The following FAM162A variants were observed in gnomAD, a reference collection of about 807,000 sequenced individuals.
The protein encoded by FAM162A is family with sequence similarity 162 member A, also known as protein FAM162A.
A neutral mutation model predicts 21.8 loss-of-function variants in FAM162A; 23 were observed. The observed-to-expected ratio is 1.05, with a 90% confidence interval of 0.76 to 1.49. The LOEUF is 1.49. FAM162A is among the 40% of genes most tolerant of loss of function. The probability of loss-of-function intolerance (pLI) is 0.00; values close to 1 mark genes in which losing one functional copy is unlikely to be tolerated. For synonymous variants in FAM162A, 53 were observed against 61.3 expected (o/e 0.86, Z 0.64); for missense variants, 165 against 186.4 (o/e 0.89, Z 0.67).
chr3:122,409,010 C>G (rs912854255), intron 4 of FAM162A, among the ~76,000 whole-genome samples: 1 of 151,898 alleles, frequency 6.6e-6, no homozygotes, highest in Non-Finnish European at 1.5e-5. Flanking sequence ...CCCTTTCTCC[C>G]CCCGCTCCCC....
chr3:122,405,982 A>G (rs1199615994), intron 3 of FAM162A, among the ~76,000 whole-genome samples: 3 of 152,118 alleles, frequency 2.0e-5, no homozygotes, highest in Non-Finnish European at 4.4e-5. Context: ...ATGCTGCCTC[A>G]CAGGTCCCAG....
In FAM162A at chr3:122,384,241, C is replaced by G; in HGVS notation, c.-25C>G. The G allele has an allele frequency of 1.3e-6, 2 of 1,565,102 alleles. No homozygotes were observed. The highest frequency in any genetic ancestry group is 1.4e-5 in the African/African-American group (1 of 73,954). ...CCACCGTCCCCGGCGAAGTTCTGCG[C>G]TGGTCGGCGGAGTAGCAAGTGGCCA... On this transcript the variant is annotated 5_prime_UTR_variant, in exon 1 of 5. Coordinates refer to ENST00000477892, the MANE Select transcript of FAM162A (RefSeq NM_014367.4).
Position 122,409,822 on chromosome 3 carries a change from A to G in FAM162A, c.456A>G (p.Lys152=). 6.2e-7 allele frequency: 1 copy of G among 1,613,906 alleles called. No individual in the cohort carries two copies. The highest frequency in any genetic ancestry group is 8.5e-7 in the Non-Finnish European group (1 of 1,179,778). The change falls in exon 5 of 5, where the codon AAA becomes AAG. Residue 152 remains lysine, a synonymous_variant. Transcript: ENST00000477892. ...RLKEEAAMKA[K]TE is the part of the protein sequence containing the mutation. The stretch of plus-strand genomic sequence containing the variant: ...AAGAGGAAGCAGCTATGAAGGCCAA[A>G]ACAGAGTAGCAGAGGTATCCGTGTT...
chr3:122,402,991 T>C (rs898307675), intron 2 of FAM162A, 109 bp downstream of exon 2: 9 of 1,217,970 alleles, frequency 7.4e-6, no homozygotes, highest in African/African-American at 3.1e-5. Flanking sequence ...TACCCTCCCA[T>C]GTAGAGAGAA....
rs199578714 is a variant in FAM162A at position 122,402,882 on chromosome 3, C to T, written c.157C>T (p.Arg53Cys). The change falls in exon 2 of 5, where the codon CGC becomes TGC. Residue 53 changes from arginine to cysteine, a missense_variant and splice_region_variant. By Grantham distance (180) the Arg-to-Cys change is radical (BLOSUM62 -3). Coordinates refer to ENST00000477892, the MANE Select transcript of FAM162A (RefSeq NM_014367.4). ...ACAGGAAAGTCCCGGAGCTCCATCC[C>T]GTAAGTTTTTATTTTTTCTATTTAT... ...KPQESPGAPS[R>C]TYNRVPLHKP... 395 of 1,584,292 alleles carry T rather than the reference C, an allele frequency of 2.5e-4. No individual in the cohort carries two copies. The highest frequency in any genetic ancestry group is 9.3e-4 in the Admixed American group (48 of 51,624).
intron 1 of FAM162A, among the ~76,000 whole-genome samples, chr3:122,391,647 G>T (rs1256624337): frequency 6.6e-6 from 1 of 152,190 alleles, no homozygotes; most frequent in Non-Finnish European, 1.5e-5. Context: ...AACTACCTCA[G>T]TACCTCTCTC....
At chr3:122,408,117 G>C (rs1576254163) in intron 4 of FAM162A, among the ~76,000 whole-genome samples, 1 of 152,256 alleles carries the variant, frequency 6.6e-6, no homozygotes, top group East Asian at 1.9e-4. Context: ...TCAGGTAATA[G>C]GAAAATTCCT....
At position 122,411,326 on chromosome 3, in the gene FAM162A, C is replaced by G. The variant is rs1020108188; in HGVS notation, c.*1495C>G. On this transcript the variant is annotated 3_prime_UTR_variant, in exon 5 of 5. Transcript: ENST00000477892. ...TTGGCCTTAGCTTCTTTGTAGGTAT[C>G]AAGTTATCACTTGCAAATTTATTTT... 4 of 152,202 alleles carry G rather than the reference C, an allele frequency of 2.6e-5. No individual in the cohort carries two copies. The highest frequency in any genetic ancestry group is 2.6e-4 in the Admixed American group (4 of 15,280). 9.4% of individuals were successfully genotyped at this position (152,202 alleles called of 1,614,324 possible). A position where few individuals can be genotyped will look rare whatever the true frequency, so the allele number is the denominator to read the frequency against.
At chr3:122,404,215 T>A in intron 2 of FAM162A, 43 bp from the exon 3 acceptor site, 2 of 936,756 alleles carry the variant, frequency 2.1e-6, no homozygotes, top group South Asian at 3.6e-5. Flanking sequence ...TTGAGAGTTA[T>A]AATCTCAAAC....
intron 3 of FAM162A, among the ~76,000 whole-genome samples, chr3:122,406,365 G>A (rs1305227275): frequency 2.0e-5 from 3 of 152,228 alleles, no homozygotes; most frequent in African/African-American, 7.2e-5. Context: ...AAGATTTTGA[G>A]TCAGCAACAT....
chr3:122,387,140 G>A (rs2075578173), intron 1 of FAM162A, among the ~76,000 whole-genome samples: 1 of 152,202 alleles, frequency 6.6e-6, no homozygotes, highest in East Asian at 1.9e-4. Flanking sequence ...CTTGGAACAT[G>A]CTGCAAATGT....
chr3:122,403,841 G>A (rs1343683170), intron 2 of FAM162A, among the ~76,000 whole-genome samples: 2 of 152,110 alleles, frequency 1.3e-5, no homozygotes, highest in African/African-American at 4.8e-5. Flanking sequence ...CTCCCATTTG[G>A]ACTTTTTGCC....
At chr3:122,400,509 TTAAA>T (rs1464084771) in intron 1 of FAM162A, among the ~76,000 whole-genome samples, 1 of 151,980 alleles carries the variant, frequency 6.6e-6, no homozygotes, top group Admixed American at 6.6e-5. Context: ...ATCCTAGAAC[TTAAA>T]TAAATAGATA....
chr3:122,387,072 T>G (rs907567284), intron 1 of FAM162A, among the ~76,000 whole-genome samples: 1 of 152,216 alleles, frequency 6.6e-6, no homozygotes, highest in Non-Finnish European at 1.5e-5. Flanking sequence ...CTTATTGGTG[T>G]TCAGTTCATA....
At chr3:122,386,556 T>TAAAAAAAA (rs1185441822) in intron 1 of FAM162A, among the ~76,000 whole-genome samples, 2 of 105,920 alleles carry the variant, frequency 1.9e-5, no homozygotes, top group Non-Finnish European at 3.8e-5. Context: ...AGACCCTGTC[T>TAAAAAAAA]AAAAAAAAAA....
rs532228972 is a variant in FAM162A, at chr3:122,408,619, C to T, written c.373-1120C>T. 6.6e-5 allele frequency among the ~76,000 whole-genome samples: 10 copies of T among 152,300 alleles called. 1 individual carries two copies. In the South Asian group the frequency reaches 1.9e-3, roughly 28 times the overall value. ...AGTTCTCTTGAAAACTCTGTTCCCA[C>T]CCCACTTCATTTTTTCTTGTCTCCC... On this transcript the variant is annotated intron_variant, in intron 4 of 4. Coordinates refer to ENST00000477892, the MANE Select transcript of FAM162A (RefSeq NM_014367.4).
chr3:122,410,847 G>A lies in FAM162A; in HGVS notation c.*1016G>A, dbSNP rs1171411040. On this transcript the variant is annotated 3_prime_UTR_variant, in exon 5 of 5. Coordinates refer to ENST00000477892, the MANE Select transcript of FAM162A (RefSeq NM_014367.4). ...TTGCCAATCTGTTCCATCCACCTGGGATGTGAATCATCCCTCTCTCTGGTG... is the reference window on the plus strand; with the variant it reads ...TTGCCAATCTGTTCCATCCACCTGGAATGTGAATCATCCCTCTCTCTGGTG... The A allele has an allele frequency of 2.0e-5, 3 of 152,176 alleles. No individual in the cohort carries two copies. The highest frequency in any genetic ancestry group is 4.4e-5 in the Non-Finnish European group (3 of 68,038). The allele number at this position is 152,176 out of a possible 1,614,324, so 9.4% of individuals were successfully genotyped here. A position where few individuals can be genotyped will look rare whatever the true frequency, so the allele number is the denominator to read the frequency against.
chr3:122,394,831 CA>C (rs150387923), intron 1 of FAM162A, among the ~76,000 whole-genome samples: 2,606 of 152,196 alleles, frequency 0.017, 88 homozygotes, highest in African/African-American at 0.058. Flanking sequence ...AAAAAAATCT[CA>C]AGAAAACTAT....
At chr3:122,397,271 G>A (rs966182150) in intron 1 of FAM162A, among the ~76,000 whole-genome samples, 6 of 151,900 alleles carry the variant, frequency 3.9e-5, no homozygotes, top group Admixed American at 1.3e-4. Context: ...TGGGAAAACC[G>A]CCTCTGTAAC....
Sources: gnomAD v4.1 joint callset for allele counts (sites outside exome capture counted in the v4.1 genomes callset) on GRCh38, gnomAD v4.1.1 for gene constraint, MANE v1.5 for transcripts, NCBI Gene and HGNC (gene_info 2026-07-23, HGNC 2026-07-21) for gene names.